LARP1B: variants seen among roughly 807,000 people sequenced by gnomAD.
LARP1B encodes la-related protein 1B.
In LARP1B, 76 loss-of-function variants were observed where a neutral mutation model predicts 114.2. The ratio of observed to expected loss-of-function variants is 0.67; its 90% CI spans 0.55 to 0.81. The LOEUF is 0.81. Among genes scored for constraint, LARP1B ranks in the 30% least tolerant of loss-of-function variants. The pLI is 0.00. For missense variants in LARP1B, 1,014 were observed against 1,075.8 expected, an observed-to-expected ratio of 0.94 and a Z score of 0.80; for synonymous variants, 345 against 348.0, an observed-to-expected ratio of 0.99 and a Z score of 0.10.
Position 128,124,043 on chromosome 4 carries a change from A to G in LARP1B, c.1524+1855A>G, listed in dbSNP as rs529811903. On this transcript the variant is annotated intron_variant, in intron 11 of 19. Transcript: ENST00000326639. ...TGTCTTCTACATGTAGTATCTCATT[A>G]GACTTGTACTTTTCCTGTGGGTCTG... 2.0e-5 allele frequency among the ~76,000 whole-genome samples: 3 copies of G among 152,318 alleles called. No homozygotes were observed. The South Asian group carries it at 6.2e-4, about 32-fold the overall frequency.
At chr4:128,099,218 C>T (rs1254955022) in intron 8 of LARP1B, among the ~76,000 whole-genome samples, 1 of 148,436 alleles carries the variant, frequency 6.7e-6, no homozygotes, top group Non-Finnish European at 1.5e-5. Context: ...CTTTTTTTTT[C>T]TAGCCAATTT....
intron 15 of LARP1B, among the ~76,000 whole-genome samples, chr4:128,185,442 A>C (rs1474162808): frequency 6.6e-6 from 1 of 151,684 alleles, no homozygotes; most frequent in Non-Finnish European, 1.5e-5. Context: ...AATGTTGAGC[A>C]CTTTAAAATA....
In LARP1B at chr4:128,065,306, T is replaced by TCTCTCTCTC. The variant is rs1561011701; in HGVS notation, c.-78+3905_-78+3906insCTCTCTCTC. 5.9e-4 allele frequency among the ~76,000 whole-genome samples: 66 copies of TCTCTCTCTC among 111,290 alleles called. 1 individual carries two copies. The highest frequency in any genetic ancestry group is 7.2e-4 in the Non-Finnish European group (37 of 51,282). 73.0% of individuals were successfully genotyped at this position (111,290 alleles called of 152,430 possible). On this transcript the variant is annotated intron_variant, in intron 1 of 19. Coordinates refer to ENST00000326639, the MANE Select transcript of LARP1B (RefSeq NM_018078.4). The stretch of plus-strand genomic sequence containing the variant: ...CTTTCTTTCTTTCTTTCTTTCTTTC[T>TCTCTCTCTC]TTCTTTCTTTCTCTCTCTCTCTCTC...
chr4:128,107,932 G>A (rs1349438472), intron 9 of LARP1B: 3 of 1,535,734 alleles, frequency 2.0e-6, no homozygotes, highest in South Asian at 1.2e-5. Flanking sequence ...ATCGGAATAT[G>A]CAGTGGAATA....
intron 10 of LARP1B, among the ~76,000 whole-genome samples, chr4:128,118,292 C>T (rs1786682676): frequency 1.4e-5 from 2 of 142,646 alleles, no homozygotes; most frequent in African/African-American, 2.7e-5. Flanking sequence ...AGTGCAGTGG[C>T]GCGATCTCGG....
intron 15 of LARP1B, among the ~76,000 whole-genome samples, chr4:128,197,433 C>T (rs572949150): frequency 7.9e-5 from 12 of 152,182 alleles, no homozygotes; most frequent in East Asian, 1.9e-4. Context: ...CAGTAGCTTA[C>T]GCCTGTAATC....
In LARP1B at chr4:128,061,347, C is replaced by G. The variant is rs1481326205; in HGVS notation, c.-132C>G. On this transcript the variant is annotated 5_prime_UTR_variant, in exon 1 of 20. Transcript: ENST00000326639. ...TTTGGCTGCTCGCGCCTCCCCAACT[C>G]GGGTAAAGCTCCTCGGCCTCGGCGT... The G allele has an allele frequency of 6.6e-6, 1 of 152,264 alleles. No individual in the cohort carries two copies. Among genetic ancestry groups the G allele is most frequent in the Non-Finnish European group, 1.5e-5 (1 of 68,140 alleles). The allele number at this position is 152,264 out of a possible 1,614,324, so 9.4% of individuals were successfully genotyped here.
intron 8 of LARP1B, 108 bp from the exon 9 acceptor site, chr4:128,107,031 C>T (rs1187337013): frequency 1.2e-6 from 1 of 838,320 alleles, no homozygotes; most frequent in Non-Finnish European, 1.9e-6. Context: ...AGAATCTTAA[C>T]TGCAAATTAG....
intron 9 of LARP1B, among the ~76,000 whole-genome samples, chr4:128,110,281 T>C (rs1783591297): frequency 6.6e-6 from 1 of 152,132 alleles, no homozygotes; most frequent in South Asian, 2.1e-4. Flanking sequence ...AATATATGTA[T>C]CTAAATTTTT....
intron 1 of LARP1B, among the ~76,000 whole-genome samples, chr4:128,063,611 C>T (rs1319578041): frequency 6.6e-6 from 1 of 151,200 alleles, no homozygotes; most frequent in Non-Finnish European, 1.5e-5. Context: ...GAAACCTTGT[C>T]TGTACTATAA....
At chr4:128,069,909 C>T (rs550929250) in intron 1 of LARP1B, among the ~76,000 whole-genome samples, 1 of 151,994 alleles carries the variant, frequency 6.6e-6, no homozygotes, top group Non-Finnish European at 1.5e-5. Context: ...TCCTAGAAAC[C>T]TCAAGTAAGC....
intron 8 of LARP1B, among the ~76,000 whole-genome samples, 192 bp downstream of exon 8, chr4:128,098,522 C>T (rs569927456): frequency 6.6e-6 from 1 of 151,578 alleles, no homozygotes; most frequent in East Asian, 1.9e-4. Flanking sequence ...GAAAGTATTG[C>T]TAACGATGTT....
rs758463950 is a variant in LARP1B at position 128,206,471 on chromosome 4, GA to G, written c.2361del (p.Lys787AsnfsTer26). 6.8e-6 allele frequency: 11 copies of G among 1,611,840 alleles called. No individual in the cohort carries two copies. Among genetic ancestry groups the G allele is most frequent in the African/African-American group, 2.7e-5 (2 of 74,712 alleles). On this transcript the variant is annotated frameshift_variant, in exon 18 of 20. Transcript: ENST00000326639. LOFTEE classifies it high-confidence loss of function. ...CLFRFYSYGL[E>X]KKFRREIFQD... is the part of the protein sequence containing the mutation. Reference sequence around the variant, plus strand: ...GTTCAGGTTTTATAGTTATGGACTGGAAAAAAAATTCAGGCGAGAAATTTTT... The same window carrying G: ...GTTCAGGTTTTATAGTTATGGACTGGAAAAAAATTCAGGCGAGAAATTTTT...
intron 4 of LARP1B, among the ~76,000 whole-genome samples, chr4:128,080,239 TCCCAAAGTGCTGGGATTACAGG>T (rs1315445204): frequency 6.6e-6 from 1 of 152,094 alleles, no homozygotes; most frequent in Non-Finnish European, 1.5e-5. Context: ...CGCCTTGGCT[TCCCAAAGTGCTGGGATTACAGG>T]CGTGAGCCAC....
intron 11 of LARP1B, among the ~76,000 whole-genome samples, chr4:128,129,160 GTC>G (rs2150082991): frequency 1.2e-5 from 1 of 83,414 alleles, no homozygotes; most frequent in African/African-American, 6.1e-5. Context: ...GCGAGACTCT[GTC>G]TCAAAAAAAA....
intron 1 of LARP1B, among the ~76,000 whole-genome samples, chr4:128,070,713 T>G (rs1764933723): frequency 6.6e-6 from 1 of 151,774 alleles, no homozygotes. Flanking sequence ...CCTGTAATCC[T>G]AACACTCTGG....
Position 128,095,317 on chromosome 4 carries a change from C to T in LARP1B, c.669-2869C>T, listed in dbSNP as rs148128781. On this transcript the variant is annotated intron_variant, in intron 7 of 19. Transcript: ENST00000326639. ...CAGGCTGGCCAACATAGTGAAACCC[C>T]GTCTCTACTAAGAATACAAAAATTA... Among the ~76,000 whole-genome samples, 17 of 151,602 alleles carry T rather than the reference C, an allele frequency of 1.1e-4. No individual in the cohort carries two copies. The East Asian group carries it at 2.9e-3, about 26-fold the overall frequency.
intron 12 of LARP1B, among the ~76,000 whole-genome samples, chr4:128,171,281 A>G (rs566779094): frequency 1.3e-5 from 2 of 152,182 alleles, no homozygotes; most frequent in South Asian, 4.2e-4. Context: ...GGTGCACGCC[A>G]CAAAGCCCAA....
chr4:128,126,946 A>G (rs1163092823), intron 11 of LARP1B, among the ~76,000 whole-genome samples: 1 of 152,140 alleles, frequency 6.6e-6, no homozygotes, highest in Non-Finnish European at 1.5e-5. Context: ...ATAAGAGGCA[A>G]TTAGGACCTC....
Sources: allele counts gnomAD v4.1 joint callset (sites outside exome capture counted in the v4.1 genomes callset), GRCh38; gene constraint gnomAD v4.1.1; transcripts MANE v1.5; gene names NCBI Gene and HGNC (gene_info 2026-07-23, HGNC 2026-07-21).